CMYA5: variants seen among roughly 807,000 people sequenced by gnomAD.
CMYA5 encodes cardiomyopathy-associated protein 5.
A neutral mutation model predicts 318.9 loss-of-function variants in CMYA5; 246 were observed. The observed-to-expected ratio is 0.77, with a 90% CI of 0.70 to 0.86. The LOEUF (loss-of-function observed/expected upper bound fraction) is 0.86, where lower values mean the gene tolerates loss of function less well. Ranked by LOEUF, CMYA5 falls within the 40% of genes least tolerant of loss-of-function variation. The probability of loss-of-function intolerance (pLI) is 0.00; values close to 1 mark genes in which losing one functional copy is unlikely to be tolerated. For missense variants in CMYA5, 4,589 were observed against 4,678.2 expected (o/e 0.98, Z 0.56); for synonymous variants, 1,641 against 1,729.5 (o/e 0.95, Z 1.27).
At chr5:79,724,522 T>C (rs926444123) in intron 1 of CMYA5, among the ~76,000 whole-genome samples, 14 of 152,148 alleles carry the variant, frequency 9.2e-5, no homozygotes, top group Non-Finnish European at 1.9e-4. Context: ...ACGCTGAAAG[T>C]GTGGAGGAAG....
chr5:79,708,639 G>A (rs772640690), intron 1 of CMYA5, among the ~76,000 whole-genome samples: 2 of 151,494 alleles, frequency 1.3e-5, no homozygotes, highest in Non-Finnish European at 2.9e-5. Flanking sequence ...AAAAAAGAAA[G>A]TAACATTTTA....
chr5:79,764,092 G>C (rs1460986222), intron 9 of CMYA5, among the ~76,000 whole-genome samples: 1 of 151,628 alleles, frequency 6.6e-6, no homozygotes, highest in Non-Finnish European at 1.5e-5. Context: ...ATGGTGGTTT[G>C]CTGCACCCAT....
Position 79,731,805 on chromosome 5 carries a change from TCAGAAA to T in CMYA5, c.3045_3050del (p.Thr1016_Glu1017del), listed in dbSNP as rs1268123120. 2 of 1,612,826 alleles carry T rather than the reference TCAGAAA, an allele frequency of 1.2e-6. No individual in the cohort carries two copies. Among genetic ancestry groups the T allele is most frequent in the Non-Finnish European group, 1.7e-6 (2 of 1,179,566 alleles). The stretch of plus-strand genomic sequence containing the variant: ...AGTTTCAATCCCTCCCTTTAGAATC[TCAGAAA>T]CAGAGAAAAATGAACTTGAGCCTGA... On this transcript the variant is annotated inframe_deletion, in exon 2 of 13. Transcript: ENST00000446378.
intron 1 of CMYA5, among the ~76,000 whole-genome samples, chr5:79,714,568 G>C (rs1305509306): frequency 6.6e-6 from 1 of 151,192 alleles, no homozygotes; most frequent in Non-Finnish European, 1.5e-5. Flanking sequence ...CTCCTGAGTA[G>C]CTGGGACTGT....
chr5:79,798,432 A>G (rs1484610912), intron 12 of CMYA5, among the ~76,000 whole-genome samples: 1 of 152,148 alleles, frequency 6.6e-6, no homozygotes, highest in Non-Finnish European at 1.5e-5. Flanking sequence ...ACTGGGAGAA[A>G]ACCCCAAACT....
At position 79,729,121 on chromosome 5, in the gene CMYA5, G is replaced by C; in HGVS notation, c.356G>C (p.Gly119Ala). 7 of 1,613,404 alleles carry C rather than the reference G, an allele frequency of 4.3e-6. No homozygotes were observed. The highest frequency in any genetic ancestry group is 1.3e-5 in the African/African-American group (1 of 74,998). ...REGSTVNSPP[G>A]NVSFIVDEVK... The stretch of plus-strand genomic sequence containing the variant: ...GGGTCAACTGTGAATTCTCCTCCTG[G>C]AAATGTTTCCTTTATTGTGGATGAA... Residue 119 changes from glycine (G) to alanine (A), a missense_variant, in exon 2 of 13, where the codon GGA (glycine) becomes GCA (alanine). Transcript: ENST00000446378.
Position 79,731,199 on chromosome 5 carries a change from CAAAAG to C in CMYA5, c.2439_2443del (p.Lys813AsnfsTer4), listed in dbSNP as rs769690351. On this transcript the variant is annotated frameshift_variant, in exon 2 of 13. Transcript: ENST00000446378. LOFTEE classifies it high-confidence loss of function. ...CCCACTCAATGCAACACAGGAATCT[CAAAAG>C]AAAATAATCAATGAGGCATCCCAAT... 2 of 1,613,986 alleles carry C rather than the reference CAAAAG, an allele frequency of 1.2e-6. No individual in the cohort carries two copies. The highest frequency in any genetic ancestry group is 2.2e-5 in the South Asian group (2 of 91,080).
chr5:79,737,529 G>T lies in CMYA5; in HGVS notation c.8764G>T (p.Ala2922Ser). 6.2e-7 allele frequency: 1 copy of T among 1,613,464 alleles called. No individual in the cohort carries two copies. Residue 2922 changes from alanine (A) to serine (S), a missense_variant, in exon 2 of 13, where the codon GCA (alanine) becomes TCA (serine). Ala to Ser is a moderately conservative substitution (Grantham distance 99). Around this residue, in one of 3 missense-constraint regions of CMYA5, gnomAD observed 2,431 missense variants for 2,495.1 expected, o/e 0.97. Coordinates refer to ENST00000446378, the MANE Select transcript of CMYA5 (RefSeq NM_153610.5). ...EMPKEPEDTY[A>S]KGEDFTVTSK... Reference sequence around the variant, plus strand: ...GCCCAAGGAACCTGAAGACACATATGCAAAAGGTGAAGACTTTACAGTGAC... The same window carrying T: ...GCCCAAGGAACCTGAAGACACATATTCAAAAGGTGAAGACTTTACAGTGAC...
chr5:79,786,859 G>A (rs896774027), intron 9 of CMYA5, among the ~76,000 whole-genome samples: 7 of 152,080 alleles, frequency 4.6e-5, no homozygotes, highest in East Asian at 1.9e-4. Context: ...ACCACATTTC[G>A]TATTACTTTT....
intron 1 of CMYA5, among the ~76,000 whole-genome samples, chr5:79,693,060 A>C (rs1006644362): frequency 3.9e-5 from 6 of 152,210 alleles, no homozygotes; most frequent in Admixed American, 3.9e-4. Context: ...GAAGCACCTC[A>C]AAGTCTTGGG....
intron 9 of CMYA5, among the ~76,000 whole-genome samples, chr5:79,775,664 A>G (rs949175335): frequency 1.3e-5 from 2 of 152,220 alleles, no homozygotes; most frequent in African/African-American, 4.8e-5. Context: ...TTTCATGTAG[A>G]TCTTTATATA....
At position 79,732,489 on chromosome 5, in the gene CMYA5, G is replaced by C; in HGVS notation, c.3724G>C (p.Val1242Leu). 6.2e-7 allele frequency: 1 copy of C among 1,613,194 alleles called. No homozygotes were observed. Among genetic ancestry groups the C allele is most frequent in the Non-Finnish European group, 8.5e-7 (1 of 1,179,584 alleles). The change falls in exon 2 of 13, where the codon GTT becomes CTT. Residue 1242 changes from valine (V) to leucine (L), a missense_variant. Physicochemically the swap from Val to Leu is conservative, Grantham distance 32. Around this residue, in one of 3 missense-constraint regions of CMYA5, gnomAD observed 2,132 missense variants for 2,131.3 expected, o/e 1.00. Coordinates refer to ENST00000446378, the MANE Select transcript of CMYA5 (RefSeq NM_153610.5). ...NVPESEMKYS[V>L]LPDMVDEPKK... ...TCCAGAGTCTGAGATGAAATATTCA[G>C]TTTTGCCTGACATGGTAGATGAGCC...
Position 79,733,401 on chromosome 5 carries a change from T to C in CMYA5, c.4636T>C (p.Ser1546Pro). ...AAAGAAGAAAGAAACTGAACTTCCT[T>C]CATCACAAAATGTGTCACCTGCATC... ...EIKKKETELP[S>P]SQNVSPASKH... is the part of the protein sequence containing the mutation. Residue 1546 changes from serine to proline, a missense_variant, in exon 2 of 13, where the codon TCA (serine) becomes CCA (proline). Coordinates refer to ENST00000446378, the MANE Select transcript of CMYA5 (RefSeq NM_153610.5). 1 of 1,613,604 alleles carries C rather than the reference T, an allele frequency of 6.2e-7. No individual in the cohort carries two copies. The highest frequency in any genetic ancestry group is 8.5e-7 in the Non-Finnish European group (1 of 1,179,824).
At chr5:79,786,183 C>A (rs1829078378) in intron 9 of CMYA5, among the ~76,000 whole-genome samples, 1 of 152,222 alleles carries the variant, frequency 6.6e-6, no homozygotes, top group African/African-American at 2.4e-5. Context: ...TAAGTTTCAG[C>A]TCCACTGGAG....
intron 11 of CMYA5, among the ~76,000 whole-genome samples, chr5:79,791,722 A>T (rs2151100940): frequency 6.6e-6 from 1 of 151,932 alleles, no homozygotes; most frequent in South Asian, 2.1e-4. Flanking sequence ...TCAAAAAAAA[A>T]AAAAAAAAAA....
chr5:79,732,577 T>C lies in CMYA5; in HGVS notation c.3812T>C (p.Leu1271Ser), dbSNP rs774087232. 1.2e-6 allele frequency: 2 copies of C among 1,612,890 alleles called. No homozygotes were observed. The change falls in exon 2 of 13, where the codon TTG (leucine) becomes TCG (serine). Residue 1271 changes from leucine (L) to serine (S), a missense_variant. By Grantham distance (145) the Leu-to-Ser change is moderately radical. Transcript: ENST00000446378. ...NVTSELEQRK[L>S]SKNEPEVIKP... ...ACTTCTGAACTAGAACAGAGAAAGT[T>C]GTCCAAGAATGAGCCTGAAGTAATA...
chr5:79,738,950 A>G lies in CMYA5; in HGVS notation c.10185A>G (p.Ser3395=), dbSNP rs1189750528. 4 of 1,613,892 alleles carry G rather than the reference A, an allele frequency of 2.5e-6. No individual in the cohort carries two copies. Among genetic ancestry groups the G allele is most frequent in the Non-Finnish European group, 3.4e-6 (4 of 1,179,842 alleles). Residue 3395 remains serine, a synonymous_variant, in exon 2 of 13, where the codon TCA becomes TCG. Transcript: ENST00000446378. ...ASGATHVQET[S]LEEPKILVPP... is the part of the protein sequence containing the mutation. ...GTGCAACTCATGTTCAAGAAACATC[A>G]CTAGAAGAACCTAAAATCCTGGTCC... is the stretch of plus-strand genomic sequence containing the variant.
chr5:79,758,099 G>A (rs1263143345), intron 6 of CMYA5, among the ~76,000 whole-genome samples: 1 of 150,274 alleles, frequency 6.7e-6, no homozygotes, highest in Non-Finnish European at 1.5e-5. Flanking sequence ...GTGTGGTGGT[G>A]CAGGCCTGTA....
rs1554037557 is a variant in CMYA5, at chr5:79,778,811, C to CTGTGTGTGTGTGTGTGTGTGTATG, written c.11556-10139_11556-10138insATGTGTGTGTGTGTGTGTGTGTGT. The stretch of plus-strand genomic sequence containing the variant: ...ATGCCGCCTGCCCCCCTCTCTCTTT[C>CTGTGTGTGTGTGTGTGTGTGTATG]TGTGTGTGTGTGTGTGTGTGTGTGT... On this transcript the variant is annotated intron_variant, in intron 9 of 12. Coordinates refer to ENST00000446378, the MANE Select transcript of CMYA5 (RefSeq NM_153610.5). Among the ~76,000 whole-genome samples, 184 of 84,924 alleles carry CTGTGTGTGTGTGTGTGTGTGTATG rather than the reference C, an allele frequency of 2.2e-3. 4 individuals carry two copies. Among genetic ancestry groups the CTGTGTGTGTGTGTGTGTGTGTATG allele is most frequent in the African/African-American group, 8.2e-3 (128 of 15,640 alleles). 55.7% of individuals were successfully genotyped at this position (84,924 alleles called of 152,430 possible).
Sources: allele counts gnomAD v4.1 joint callset (sites outside exome capture counted in the v4.1 genomes callset), GRCh38; gene constraint gnomAD v4.1.1; regional missense constraint gnomAD v4.1.1; transcripts MANE v1.5; gene names NCBI Gene and HGNC (gene_info 2026-07-23, HGNC 2026-07-21).